The following CSMD3 variants were observed in gnomAD, a reference collection of about 807,000 sequenced individuals.
The protein encoded by CSMD3 is CUB and sushi domain-containing protein 3.
In CSMD3, 177 loss-of-function variants were observed where a neutral mutation model predicts 435.2. The observed-to-expected ratio is 0.41, with a 90% CI of 0.36 to 0.46. CSMD3 has a LOEUF of 0.46. CSMD3 is among the 20% of genes least tolerant of loss of function. The pLI, the probability that CSMD3 is intolerant of heterozygous loss-of-function variation, is 0.34. For synonymous variants in CSMD3, 1,656 were observed against 1,520.5 expected (o/e 1.09, Z -2.07); for missense variants, 4,265 against 4,504.6 (o/e 0.95, Z 1.52).
At chr8:112,945,989 CTTTTTGACTTCTGA>C (rs2130789430) in intron 9 of CSMD3, among the ~76,000 whole-genome samples, 1 of 151,786 alleles carries the variant, frequency 6.6e-6, no homozygotes, top group East Asian at 1.9e-4. Context: ...TTATTATTTT[CTTTTTGACTTCTGA>C]GTAATTTTCT....
intron 16 of CSMD3, among the ~76,000 whole-genome samples, chr8:112,675,829 A>G (rs771608427): frequency 6.6e-6 from 1 of 152,128 alleles, no homozygotes; most frequent in Non-Finnish European, 1.5e-5. Context: ...CAGTGAGAGC[A>G]GTTAGGGGGC....
chr8:113,234,779 T>C (rs1275662421), intron 3 of CSMD3, among the ~76,000 whole-genome samples: 2 of 152,020 alleles, frequency 1.3e-5, no homozygotes, highest in Non-Finnish European at 2.9e-5. Context: ...ATGCAAATGG[T>C]GTATCTATGG....
At chr8:112,227,899 G>A (rs532731528) in intron 70 of CSMD3, among the ~76,000 whole-genome samples, 29 of 152,128 alleles carry the variant, frequency 1.9e-4, no homozygotes, top group South Asian at 6.2e-4. Context: ...AAAATTAGCC[G>A]GGCATGATGG....
At chr8:113,382,430 A>G (rs1217417896) in intron 1 of CSMD3, among the ~76,000 whole-genome samples, 1 of 152,064 alleles carries the variant, frequency 6.6e-6, no homozygotes, top group African/African-American at 2.4e-5. Context: ...TATCCATTTT[A>G]GTCCTTTATC....
At chr8:112,461,413 AAT>A (rs1361450955) in intron 32 of CSMD3, among the ~76,000 whole-genome samples, 3 of 152,142 alleles carry the variant, frequency 2.0e-5, no homozygotes, top group African/African-American at 7.2e-5. Flanking sequence ...CATCTATATT[AAT>A]ATATATGTAT....
At position 113,278,450 on chromosome 8, in the gene CSMD3, A is replaced by T. The variant is rs558329792; in HGVS notation, c.514+142T>A. The T allele has an allele frequency of 9.2e-6, 6 of 652,214 alleles. No individual in the cohort carries two copies. The Admixed American group carries it at 1.3e-4, about 14-fold the overall frequency. The allele number at this position is 652,214 out of a possible 1,614,324, so 40.4% of individuals were successfully genotyped here. A position where few individuals can be genotyped will look rare whatever the true frequency, so the allele number is the denominator to read the frequency against. On this transcript the variant is annotated intron_variant, in intron 3 of 70. Coordinates refer to ENST00000297405, the MANE Select transcript of CSMD3 (RefSeq NM_198123.2). ...TAAGTATAGCATTTTACTATACATTAATGATTAATAACAAGATAAATTTCA... is the reference window on the plus strand; with the variant it reads ...TAAGTATAGCATTTTACTATACATTTATGATTAATAACAAGATAAATTTCA...
chr8:112,545,491 A>AT lies in CSMD3; in HGVS notation c.4564+5179_4564+5180insA, dbSNP rs1460771063. On this transcript the variant is annotated intron_variant, in intron 27 of 70. Coordinates refer to ENST00000297405, the MANE Select transcript of CSMD3 (RefSeq NM_198123.2). Reference sequence around the variant, plus strand: ...GAGCGAGACTCCATCTCAAAAAAAAAAAAAAAAAAAAATAATAATAATAAT... The same window carrying AT: ...GAGCGAGACTCCATCTCAAAAAAAAATAAAAAAAAAAAATAATAATAATAAT... 7.7e-5 allele frequency among the ~76,000 whole-genome samples: 11 copies of AT among 142,274 alleles called. 1 individual carries two copies. The highest frequency in any genetic ancestry group is 2.9e-4 in the African/African-American group (11 of 37,490). 93.3% of individuals were successfully genotyped at this position (142,274 alleles called of 152,430 possible).
intron 9 of CSMD3, among the ~76,000 whole-genome samples, chr8:112,925,109 C>T (rs1037289904): frequency 6.6e-6 from 1 of 152,046 alleles, no homozygotes; most frequent in Non-Finnish European, 1.5e-5. Context: ...TCTCACATCC[C>T]ATATCTCCCT....
intron 30 of CSMD3, among the ~76,000 whole-genome samples, chr8:112,497,806 A>G (rs1341830906): frequency 3.9e-5 from 6 of 152,104 alleles, no homozygotes; most frequent in African/African-American, 1.4e-4. Context: ...TTACCAAAAT[A>G]AGAATAGGAA....
intron 48 of CSMD3, 114 bp from the exon 49 acceptor site, chr8:112,314,166 C>T (rs1015293956): frequency 2.0e-4 from 163 of 806,556 alleles, no homozygotes; most frequent in South Asian, 7.0e-4. Context: ...CACCACCAAT[C>T]TACCTCATTA....
intron 16 of CSMD3, among the ~76,000 whole-genome samples, chr8:112,679,090 T>G (rs117478336): frequency 1.0e-4 from 10 of 100,040 alleles, no homozygotes; most frequent in South Asian, 2.9e-4. Flanking sequence ...GGCAGGTTTT[T>G]TTTTTTTTTT....
At chr8:112,550,025 T>C (rs1422239148) in intron 27 of CSMD3, among the ~76,000 whole-genome samples, 1 of 152,044 alleles carries the variant, frequency 6.6e-6, no homozygotes, top group Non-Finnish European at 1.5e-5. Context: ...TTTTAAGTTT[T>C]TATTCATTTT....
At chr8:112,435,312 T>C (rs1210383879) in intron 32 of CSMD3, among the ~76,000 whole-genome samples, 6 of 152,100 alleles carry the variant, frequency 3.9e-5, no homozygotes, top group Non-Finnish European at 7.4e-5. Flanking sequence ...CAAAGTGCTC[T>C]ATAACCATTA....
At chr8:112,250,943 T>G (rs2130209182) in intron 63 of CSMD3, among the ~76,000 whole-genome samples, 1 of 151,916 alleles carries the variant, frequency 6.6e-6, no homozygotes, top group East Asian at 1.9e-4. Context: ...TTTTAAATGT[T>G]ATATCTTAGT....
intron 2 of CSMD3, among the ~76,000 whole-genome samples, chr8:113,299,616 C>T (rs1194095450): frequency 6.6e-6 from 1 of 152,058 alleles, no homozygotes; most frequent in African/African-American, 2.4e-5. Context: ...TGAAAAAATG[C>T]TTAACATCAC....
At chr8:112,475,248 AAC>A (rs1414871736) in intron 31 of CSMD3, among the ~76,000 whole-genome samples, 4 of 152,176 alleles carry the variant, frequency 2.6e-5, no homozygotes, top group Non-Finnish European at 5.9e-5. Flanking sequence ...ATCCTACATT[AAC>A]ACGTGTCTGA....
intron 1 of CSMD3, among the ~76,000 whole-genome samples, chr8:113,390,502 T>TTTAATTAA (rs1230400513): frequency 1.3e-5 from 2 of 151,886 alleles, no homozygotes; most frequent in Non-Finnish European, 2.9e-5. Flanking sequence ...ACATCACATT[T>TTTAATTAA]TTAATTAATT....
Position 112,641,251 on chromosome 8 carries a change from T to C in CSMD3, c.3311-2340A>G, listed in dbSNP as rs556362340. On this transcript the variant is annotated intron_variant, in intron 20 of 70. Coordinates refer to ENST00000297405, the MANE Select transcript of CSMD3 (RefSeq NM_198123.2). ...CATCAAGTCATGGATTAAATGGTAATATTTGCTTTCTTTCACTACTGCAAA... is the reference window on the plus strand; with the variant it reads ...CATCAAGTCATGGATTAAATGGTAACATTTGCTTTCTTTCACTACTGCAAA... Among the ~76,000 whole-genome samples the C allele has an allele frequency of 2.6e-5, 4 of 152,282 alleles. No individual in the cohort carries two copies. The South Asian group carries it at 6.2e-4, about 24-fold the overall frequency.
At chr8:113,411,556 T>A (rs896767453) in intron 1 of CSMD3, among the ~76,000 whole-genome samples, 5 of 152,128 alleles carry the variant, frequency 3.3e-5, no homozygotes, top group African/African-American at 1.2e-4. Context: ...CTTCAATAAG[T>A]TTTTTGGTTT....
Sources: gnomAD v4.1 joint callset for allele counts (sites outside exome capture counted in the v4.1 genomes callset) on GRCh38, gnomAD v4.1.1 for gene constraint, MANE v1.5 for transcripts, NCBI Gene and HGNC (gene_info 2026-07-23, HGNC 2026-07-21) for gene names.